CEP83: variants seen among roughly 807,000 people sequenced by gnomAD.
CEP83 encodes centrosomal protein 83.
CEP83 carries 70 observed loss-of-function variants against 101.9 expected under a neutral mutation model. The observed-to-expected ratio is 0.69, with a 90% CI of 0.57 to 0.84. The LOEUF is 0.84. Ranked by LOEUF, CEP83 falls within the 40% of genes least tolerant of loss-of-function variation. The pLI is 0.00. For synonymous variants in CEP83, 264 were observed against 267.9 expected, an observed-to-expected ratio of 0.99 and a Z score of 0.14; for missense variants, 715 against 787.2, an observed-to-expected ratio of 0.91 and a Z score of 1.10.
chr12:94,292,525 C>T, the CEP83 span, among the ~76,000 whole-genome samples: 3 of 152,122 alleles, frequency 2.0e-5, no homozygotes, highest in East Asian at 3.8e-4. Context: ...GAAAAAATGT[C>T]ACAGGTTGAA....
chr12:94,301,696 G>A (rs146208842), downstream of CEP83, among the ~76,000 whole-genome samples: 1 of 152,260 alleles, frequency 6.6e-6, no homozygotes, highest in East Asian at 1.9e-4. Context: ...TTCTTGGGCA[G>A]GACTTTAAGA....
chr12:94,306,672 C>T (rs1181853889), downstream of CEP83: 2 of 152,054 alleles, frequency 1.3e-5, no homozygotes, highest in East Asian at 1.9e-4. Flanking sequence ...ATCACATATT[C>T]CTTGAAATCA....
At chr12:94,376,781 C>A (rs2061578506) in intron 7 of CEP83, among the ~76,000 whole-genome samples, 1 of 148,648 alleles carries the variant, frequency 6.7e-6, no homozygotes, top group African/African-American at 2.5e-5. Flanking sequence ...GCTCTGTCTC[C>A]CAGGCTGCAG....
At chr12:94,432,104 G>C (rs961817085) in intron 2 of CEP83, among the ~76,000 whole-genome samples, 4 of 151,840 alleles carry the variant, frequency 2.6e-5, no homozygotes, top group Non-Finnish European at 5.9e-5. Context: ...GCCCAGGCTG[G>C]AGTGCAGTGG....
rs79123200 is a variant in CEP83 at position 94,387,972 on chromosome 12, C to G, written c.550-8930G>C. ...GCTGCAGAAAAAAGGGAACATTATACACTATTGATGGCTACGTAAATTAGT... is the reference window on the plus strand; with the variant it reads ...GCTGCAGAAAAAAGGGAACATTATAGACTATTGATGGCTACGTAAATTAGT... On this transcript the variant is annotated intron_variant, in intron 6 of 16. Transcript: ENST00000397809. Among the ~76,000 whole-genome samples, 451 of 152,222 alleles carry G rather than the reference C, an allele frequency of 3.0e-3. 2 individuals carry two copies. Among genetic ancestry groups the G allele is most frequent in the Admixed American group, 0.015 (227 of 15,292 alleles).
At chr12:94,294,576 C>T in the CEP83 span, 2 of 927,756 alleles carry the variant, frequency 2.2e-6, no homozygotes, top group Middle Eastern at 2.1e-4. Context: ...TTTGTTCTCA[C>T]CCAGCTTCAT....
chr12:94,291,258 C>G, the CEP83 span, among the ~76,000 whole-genome samples: 1 of 152,230 alleles, frequency 6.6e-6, no homozygotes, highest in Non-Finnish European at 1.5e-5. Flanking sequence ...ATTTTTGAGA[C>G]AGGGTCTTGC....
chr12:94,304,033 C>G (rs143293787), downstream of CEP83: 2 of 1,558,104 alleles, frequency 1.3e-6, no homozygotes, highest in South Asian at 1.1e-5. Context: ...ACAAATACAT[C>G]GTAAAATATT....
chr12:94,311,488 G>C (rs973792386), intron 15 of CEP83, among the ~76,000 whole-genome samples: 6 of 152,160 alleles, frequency 3.9e-5, no homozygotes, highest in Non-Finnish European at 8.8e-5. Context: ...AGTCTTGTGG[G>C]ACTGAGCCCT....
the CEP83 span, among the ~76,000 whole-genome samples, chr12:94,270,952 C>A: frequency 6.6e-6 from 1 of 152,066 alleles, no homozygotes; most frequent in Admixed American, 6.5e-5. Context: ...GAACGTCAGG[C>A]AGAATGTCCC....
the CEP83 span, among the ~76,000 whole-genome samples, chr12:94,270,065 TATG>T: frequency 6.6e-6 from 1 of 152,256 alleles, no homozygotes; most frequent in Admixed American, 6.5e-5. Flanking sequence ...GTGACTCTAT[TATG>T]TTATTGTTAG....
chr12:94,288,742 A>G, the CEP83 span, among the ~76,000 whole-genome samples: 2 of 152,202 alleles, frequency 1.3e-5, no homozygotes, highest in East Asian at 3.8e-4. Flanking sequence ...CAGTGAGAAG[A>G]GCTGAGGGAG....
intron 1 of CEP83, among the ~76,000 whole-genome samples, chr12:94,456,952 T>C (rs144901921): frequency 5.9e-5 from 9 of 152,244 alleles, no homozygotes; most frequent in Admixed American, 5.2e-4. Context: ...CAATAAAAAG[T>C]ATAAGTATCA....
rs60134327 is a variant in CEP83 at position 94,416,574 on chromosome 12, A to ACACAC, written c.-101-3984_-101-3983insGTGTG. On this transcript the variant is annotated intron_variant, in intron 2 of 16. Transcript: ENST00000397809. ...CATACACACACACACACACACACAC[A>ACACAC]AAAAAAAAAAAACTGTAGTTCCACC... is the stretch of plus-strand genomic sequence containing the variant. Among the ~76,000 whole-genome samples the ACACAC allele has an allele frequency of 9.5e-3, 1,111 of 116,766 alleles. 32 individuals are homozygous for ACACAC. The highest frequency in any genetic ancestry group is 0.072 in the Admixed American group (882 of 12,222). 76.6% of individuals were successfully genotyped at this position (116,766 alleles called of 152,430 possible). A position where few individuals can be genotyped will look rare whatever the true frequency, so the allele number is the denominator to read the frequency against.
intron 2 of CEP83, among the ~76,000 whole-genome samples, chr12:94,415,674 T>G (rs532963111): frequency 4.4e-4 from 55 of 124,030 alleles, no homozygotes; most frequent in African/African-American, 1.5e-3. Flanking sequence ...TTACATGCAC[T>G]TACTATGGCC....
At chr12:94,335,474 C>T (rs2059408995) in intron 12 of CEP83, 115 bp downstream of exon 12, 2 of 654,570 alleles carry the variant, frequency 3.1e-6, no homozygotes, top group Non-Finnish European at 2.7e-6. Flanking sequence ...CAATATGTTA[C>T]CAATTGTGGT....
chr12:94,418,695 G>C (rs2064480266), intron 2 of CEP83, among the ~76,000 whole-genome samples: 1 of 152,128 alleles, frequency 6.6e-6, no homozygotes, highest in African/African-American at 2.4e-5. Flanking sequence ...TGGTTACAAG[G>C]TTTTCTTTGA....
rs185916173 is a variant in CEP83, at chr12:94,400,779, T to A, written c.549+71A>T. 495 of 953,902 alleles carry A rather than the reference T, an allele frequency of 5.2e-4. 4 individuals are homozygous for A. In the African/African-American group the frequency reaches 7.4e-3, roughly 14 times the overall value. The allele number at this position is 953,902 out of a possible 1,614,324, so 59.1% of individuals were successfully genotyped here. The stretch of plus-strand genomic sequence containing the variant: ...ACAATCGACTCTAATTTGAAATTTT[T>A]AAAAATATATAATTATAAAATTGTG... On this transcript the variant is annotated intron_variant, in intron 6 of 16. Transcript: ENST00000397809.
At chr12:94,325,233 A>G (rs2058924308) in intron 14 of CEP83, among the ~76,000 whole-genome samples, 2 of 149,110 alleles carry the variant, frequency 1.3e-5, no homozygotes, top group African/African-American at 5.0e-5. Context: ...ATGTGCTGCC[A>G]CCATCTCCGC....
Sources: allele counts gnomAD v4.1 joint callset (sites outside exome capture counted in the v4.1 genomes callset), GRCh38; gene constraint gnomAD v4.1.1; transcripts MANE v1.5; gene names NCBI Gene and HGNC (gene_info 2026-07-23, HGNC 2026-07-21).